Variants in SOCS5 observed in about 807,000 individuals in gnomAD.
SOCS5 encodes the protein suppressor of cytokine signaling 5, also known as CIS-6.
Under a neutral mutation model 42.8 loss-of-function variants are expected in SOCS5, and 32 were observed. The ratio of observed to expected loss-of-function variants is 0.75; its 90% CI spans 0.56 to 1.01. SOCS5 has a LOEUF of 1.01. SOCS5 is among the 50% of genes least tolerant of loss of function. The probability of loss-of-function intolerance (pLI) is 0.00; values close to 1 mark genes in which losing one functional copy is unlikely to be tolerated. For missense variants in SOCS5, 627 were observed against 653.0 expected (o/e 0.96, Z 0.43); for synonymous variants, 283 against 229.6 (o/e 1.23, Z -2.10).
intron 1 of SOCS5, among the ~76,000 whole-genome samples, chr2:46,745,629 A>C (rs34401107): frequency 0.31 from 46,469 of 152,042 alleles, 7,587 homozygotes; most frequent in Non-Finnish European, 0.36. Flanking sequence ...ATTAAAAGAA[A>C]AATCACAGAT....
intron 1 of SOCS5, among the ~76,000 whole-genome samples, chr2:46,724,105 C>T (rs576146920): frequency 6.6e-6 from 1 of 151,998 alleles, no homozygotes; most frequent in East Asian, 1.9e-4. Context: ...TGACCTGTAT[C>T]CTGTGACCTT....
chr2:46,723,240 G>T (rs1283314246), intron 1 of SOCS5, among the ~76,000 whole-genome samples: 1 of 151,942 alleles, frequency 6.6e-6, no homozygotes, highest in African/African-American at 2.4e-5. Context: ...TTCACTCCAT[G>T]TCCCAATGAT....
intron 1 of SOCS5, among the ~76,000 whole-genome samples, chr2:46,732,979 G>A (rs1293228947): frequency 6.6e-6 from 1 of 151,956 alleles, no homozygotes; most frequent in Non-Finnish European, 1.5e-5. Flanking sequence ...AAATCGTGTG[G>A]TGAATCATAA....
intron 1 of SOCS5, 88 bp from the exon 2 acceptor site, chr2:46,758,431 G>C: frequency 1.2e-6 from 1 of 837,176 alleles, no homozygotes; most frequent in Non-Finnish European, 1.9e-6. Context: ...TGAAATTCTG[G>C]ACGGGAAGGG....
At chr2:46,705,382 G>A (rs985540947) in intron 1 of SOCS5, among the ~76,000 whole-genome samples, 4 of 152,168 alleles carry the variant, frequency 2.6e-5, no homozygotes, top group African/African-American at 9.7e-5. Flanking sequence ...TTGAATTAGA[G>A]GGCAGCCAGT....
chr2:46,743,053 C>G (rs1193518882), intron 1 of SOCS5, among the ~76,000 whole-genome samples: 1 of 152,100 alleles, frequency 6.6e-6, no homozygotes, highest in Admixed American at 6.5e-5. Flanking sequence ...TGAGATTACT[C>G]AATTTTAGGC....
In SOCS5 at chr2:46,759,796, C is replaced by A; in HGVS notation, c.1266C>A (p.Tyr422Ter). ...TCTTCTCTGTGAGCTTCCGCCGCTA[C>A]AACAGATCCCTGCATGCCCGAATTG... The part of the protein sequence containing the change: ...DYLFSVSFRR[Y>*]NRSLHARIEQ... The change falls in exon 2 of 2, where the codon TAC becomes TAA. Residue 422 changes from tyrosine to a stop codon, truncating the protein, a stop_gained. Coordinates refer to ENST00000394861, the MANE Select transcript of SOCS5 (RefSeq NM_144949.3). LOFTEE classifies it high-confidence loss of function. 6.2e-7 allele frequency: 1 copy of A among 1,614,178 alleles called. No homozygotes were observed. Among genetic ancestry groups the A allele is most frequent in the Non-Finnish European group, 8.5e-7 (1 of 1,180,020 alleles).
intron 1 of SOCS5, among the ~76,000 whole-genome samples, chr2:46,749,920 A>G (rs1001870344): frequency 1.3e-5 from 2 of 152,220 alleles, no homozygotes; most frequent in African/African-American, 4.8e-5. Flanking sequence ...TTTAAAAGAG[A>G]GAAAAGCTAA....
chr2:46,700,061 C>G (rs1008770193), intron 1 of SOCS5, among the ~76,000 whole-genome samples: 5 of 152,140 alleles, frequency 3.3e-5, no homozygotes, highest in Non-Finnish European at 7.4e-5. Context: ...CCCTCTGCAA[C>G]TACTTGGGCT....
Position 46,759,056 on chromosome 2 carries a change from T to A in SOCS5, c.526T>A (p.Ser176Thr). 1.2e-6 allele frequency: 2 copies of A among 1,613,982 alleles called. No individual in the cohort carries two copies. The highest frequency in any genetic ancestry group is 1.7e-6 in the Non-Finnish European group (2 of 1,179,858). Residue 176 changes from serine (S) to threonine (T), a missense_variant, in exon 2 of 2, where the codon TCT becomes ACT. By Grantham distance (58) the Ser-to-Thr change is moderately conservative. Around this residue, in one of 3 missense-constraint regions of SOCS5, gnomAD observed 278 missense variants for 246.3 expected, o/e 1.13. Coordinates refer to ENST00000394861, the MANE Select transcript of SOCS5 (RefSeq NM_144949.3). ...SVSSRTVGSR[S>T]LRQRLQDTVG... The stretch of plus-strand genomic sequence containing the variant: ...TTCCAGCAGAACTGTAGGAAGTCGC[T>A]CTCTAAGACAGAGGTTGCAGGATAC...
At chr2:46,729,899 C>G (rs1399069657) in intron 1 of SOCS5, among the ~76,000 whole-genome samples, 1 of 152,310 alleles carries the variant, frequency 6.6e-6, no homozygotes, top group East Asian at 1.9e-4. Flanking sequence ...AAAACACAAA[C>G]ATATACAGCT....
intron 1 of SOCS5, among the ~76,000 whole-genome samples, chr2:46,722,860 TATTTG>T (rs1467546654): frequency 6.6e-6 from 1 of 152,166 alleles, no homozygotes; most frequent in African/African-American, 2.4e-5. Flanking sequence ...CTTTTTATTT[TATTTG>T]TTCTTATGTC....
intron 1 of SOCS5, among the ~76,000 whole-genome samples, chr2:46,746,807 C>A (rs1389419436): frequency 6.6e-6 from 1 of 151,726 alleles, no homozygotes; most frequent in East Asian, 1.9e-4. Flanking sequence ...CTGCTAAACT[C>A]ACTTAGTTTA....
intron 1 of SOCS5, among the ~76,000 whole-genome samples, chr2:46,714,699 C>G (rs1388191759): frequency 6.6e-6 from 1 of 152,158 alleles, no homozygotes. Context: ...AGCCATGCCC[C>G]CATGCCAACC....
intron 1 of SOCS5, among the ~76,000 whole-genome samples, chr2:46,706,429 C>G (rs975885806): frequency 4.6e-5 from 7 of 152,076 alleles, no homozygotes; most frequent in African/African-American, 4.8e-5. Flanking sequence ...CTATGGTCGG[C>G]TTTGGTTGTC....
chr2:46,744,265 C>T (rs1174894622), intron 1 of SOCS5, among the ~76,000 whole-genome samples: 1 of 152,188 alleles, frequency 6.6e-6, no homozygotes, highest in Non-Finnish European at 1.5e-5. Flanking sequence ...TCTGGGATTA[C>T]AGGCATGAGC....
At chr2:46,745,916 T>C (rs957236383) in intron 1 of SOCS5, among the ~76,000 whole-genome samples, 1 of 152,190 alleles carries the variant, frequency 6.6e-6, no homozygotes, top group African/African-American at 2.4e-5. Flanking sequence ...TCACCTTCAT[T>C]CTCCAGATGG....
intron 1 of SOCS5, among the ~76,000 whole-genome samples, chr2:46,703,951 A>C (rs1672403008): frequency 6.6e-6 from 1 of 152,198 alleles, no homozygotes; most frequent in Non-Finnish European, 1.5e-5. Flanking sequence ...TTTGCATCTT[A>C]GTGACCTGAA....
At chr2:46,720,388 A>C (rs1672852127) in intron 1 of SOCS5, among the ~76,000 whole-genome samples, 4 of 152,172 alleles carry the variant, frequency 2.6e-5, no homozygotes, top group African/African-American at 9.7e-5. Context: ...GAATGGTAAA[A>C]CTTTAATAAC....
Sources: allele counts gnomAD v4.1 joint callset (sites outside exome capture counted in the v4.1 genomes callset), GRCh38; gene constraint gnomAD v4.1.1; regional missense constraint gnomAD v4.1.1; transcripts MANE v1.5; gene names NCBI Gene and HGNC (gene_info 2026-07-23, HGNC 2026-07-21).